LTBP2: variants seen among roughly 807,000 people sequenced by gnomAD.
LTBP2 encodes latent-transforming growth factor beta-binding protein 2.
A neutral mutation model predicts 210.6 loss-of-function variants in LTBP2; 103 were observed. The ratio of observed to expected loss-of-function variants is 0.49; its 90% confidence interval spans 0.42 to 0.58. The LOEUF is 0.58. Ranked by LOEUF, LTBP2 falls within the 20% of genes least tolerant of loss-of-function variation. The pLI, the probability that LTBP2 is intolerant of heterozygous loss-of-function variation, is 0.00. For synonymous variants in LTBP2, 1,007 were observed against 1,015.0 expected (o/e 0.99, Z 0.15); for missense variants, 2,313 against 2,494.5 (o/e 0.93, Z 1.55).
intron 2 of LTBP2, among the ~76,000 whole-genome samples, chr14:74,591,821 C>T (rs943307935): frequency 6.6e-6 from 1 of 152,194 alleles, no homozygotes; most frequent in Admixed American, 6.5e-5. Flanking sequence ...GGAAAAGAAA[C>T]ACTTTCCTGG....
intron 3 of LTBP2, among the ~76,000 whole-genome samples, chr14:74,562,869 A>C (rs1374793032): frequency 6.6e-6 from 1 of 152,190 alleles, no homozygotes; most frequent in Non-Finnish European, 1.5e-5. Context: ...GTCTATCCAC[A>C]TCCCAATGCA....
chr14:74,588,994 A>T (rs1267568778), intron 2 of LTBP2, among the ~76,000 whole-genome samples: 2 of 152,196 alleles, frequency 1.3e-5, no homozygotes, highest in Non-Finnish European at 2.9e-5. Context: ...ATAAGGAAAT[A>T]AAGGGGATCT....
At chr14:74,560,854 A>C (rs1441208474) in intron 3 of LTBP2, among the ~76,000 whole-genome samples, 1 of 152,238 alleles carries the variant, frequency 6.6e-6, no homozygotes, top group African/African-American at 2.4e-5. Flanking sequence ...GAAGATTTAA[A>C]GTATATGGGA....
At chr14:74,502,523 G>T in intron 34 of LTBP2, 130 bp downstream of exon 34, 2 of 1,284,258 alleles carry the variant, frequency 1.6e-6, no homozygotes, top group Non-Finnish European at 2.2e-6. Context: ...CGTGAACGGG[G>T]ACCTCTGGCT....
At chr14:74,540,770 A>ATATATATATATATTATATATATATT (rs2139732684) in intron 8 of LTBP2, among the ~76,000 whole-genome samples, 1 of 81,908 alleles carries the variant, frequency 1.2e-5, no homozygotes, top group South Asian at 3.5e-4. Context: ...ATCTTAAAAA[A>ATATATATATATATTATATATATATT]TATATATATA....
intron 8 of LTBP2, among the ~76,000 whole-genome samples, chr14:74,537,160 GA>G (rs111689700): frequency 0.016 from 1,943 of 123,508 alleles, 31 homozygotes; most frequent in African/African-American, 0.044. Flanking sequence ...ACTTTACAAA[GA>G]AAAAAAAAAA....
intron 24 of LTBP2, 75 bp from the exon 25 acceptor site, chr14:74,508,170 G>T: frequency 6.4e-7 from 1 of 1,571,864 alleles, no homozygotes; most frequent in Non-Finnish European, 8.7e-7. Flanking sequence ...GCTTCCTCTG[G>T]GCCCTGAGTA....
intron 8 of LTBP2, among the ~76,000 whole-genome samples, chr14:74,540,623 G>T (rs1384178218): frequency 6.7e-6 from 1 of 149,350 alleles, no homozygotes; most frequent in African/African-American, 2.5e-5. Flanking sequence ...AAATTAGCGG[G>T]ATGTGGTGGC....
chr14:74,590,318 C>T (rs1161747058), intron 2 of LTBP2, among the ~76,000 whole-genome samples: 1 of 152,176 alleles, frequency 6.6e-6, no homozygotes. Flanking sequence ...GTCATTCTAT[C>T]AAAAAGACAC....
Position 74,603,666 on chromosome 14 carries a change from T to C in LTBP2, c.534A>G (p.Thr178=). ...VCGGQCCPGW[T]TANSTNHCIK... ...TACAGTGGTTGGTGCTGTTTGCTGTTGTCCATCCTGGGCAGCACTGTCCCC... is the reference window on the plus strand; with the variant it reads ...TACAGTGGTTGGTGCTGTTTGCTGTCGTCCATCCTGGGCAGCACTGTCCCC... Residue 178 remains threonine (T), a synonymous_variant, in exon 2 of 36, where the codon ACA becomes ACG. Coordinates refer to ENST00000261978, the MANE Select transcript of LTBP2 (RefSeq NM_000428.3). The C allele has an allele frequency of 6.2e-7, 1 of 1,614,174 alleles. No homozygotes were observed. Among genetic ancestry groups the C allele is most frequent in the South Asian group, 1.1e-5 (1 of 91,078 alleles).
chr14:74,532,510 C>A lies in LTBP2; in HGVS notation c.1903G>T (p.Ala635Ser). Residue 635 changes from alanine to serine, a missense_variant, in exon 10 of 36, where the codon GCG (alanine) becomes TCG (serine). Around this residue, in one of 3 missense-constraint regions of LTBP2, gnomAD observed 1,867 missense variants for 1,976.9 expected, o/e 0.94. Transcript: ENST00000261978. ...CTGCCCCTGGTATTCACACACTCCGCGTCCTTGCACAGGCCCAGGGTCAAG... is the reference window on the plus strand; with the variant it reads ...CTGCCCCTGGTATTCACACACTCCGAGTCCTTGCACAGGCCCAGGGTCAAG... ...ECLTLGLCKD[A>S]ECVNTRGSYL... 6.2e-7 allele frequency: 1 copy of A among 1,614,170 alleles called. No homozygotes were observed. Among genetic ancestry groups the A allele is most frequent in the Non-Finnish European group, 8.5e-7 (1 of 1,180,022 alleles).
rs913754432 is a variant in LTBP2 at position 74,594,566 on chromosome 14, G to A, written c.566-8448C>T. Among the ~76,000 whole-genome samples, 58 of 152,156 alleles carry A rather than the reference G, an allele frequency of 3.8e-4. 1 individual carries two copies. Among genetic ancestry groups the A allele is most frequent in the African/African-American group, 1.4e-3 (56 of 41,416 alleles). On this transcript the variant is annotated intron_variant, in intron 2 of 35. Transcript: ENST00000261978. ...TCCCCTTTCACAGCTAGAGGCCTTC[G>A]CAGACGGGACAGTTTGCACCTCATC... is the stretch of plus-strand genomic sequence containing the variant.
intron 9 of LTBP2, among the ~76,000 whole-genome samples, chr14:74,533,482 G>A (rs2087377798): frequency 6.6e-6 from 1 of 152,196 alleles, no homozygotes; most frequent in African/African-American, 2.4e-5. Context: ...ACCTCTGCAG[G>A]CCCCAAGACC....
At chr14:74,504,919 C>T in intron 29 of LTBP2, 58 bp from the exon 30 acceptor site, 1 of 1,613,306 alleles carries the variant, frequency 6.2e-7, no homozygotes, top group East Asian at 2.2e-5. Flanking sequence ...TTCCTCTCTC[C>T]CCTTCTTTCA....
At chr14:74,506,882 C>CGCGCATG in intron 26 of LTBP2, 59 bp from the exon 27 acceptor site, 1 of 927,124 alleles carries the variant, frequency 1.1e-6, no homozygotes, top group South Asian at 2.3e-5. Context: ...TGTGTGTGCG[C>CGCGCATG]GCGCGCGTGT....
chr14:74,549,726 G>C, intron 8 of LTBP2, 137 bp downstream of exon 8: 1 of 781,118 alleles, frequency 1.3e-6, no homozygotes, highest in Non-Finnish European at 2.3e-6. Flanking sequence ...CTTCAAGGCA[G>C]GTCTGGGAAG....
chr14:74,602,173 C>T (rs2088457796), intron 2 of LTBP2, among the ~76,000 whole-genome samples: 3 of 152,216 alleles, frequency 2.0e-5, no homozygotes, highest in Admixed American at 1.3e-4. Flanking sequence ...AGTCAGTCTG[C>T]CTGGGTCCAG....
At chr14:74,608,567 G>A (rs374558527) in intron 1 of LTBP2, among the ~76,000 whole-genome samples, 4 of 151,804 alleles carry the variant, frequency 2.6e-5, no homozygotes, top group Admixed American at 2.0e-4. Flanking sequence ...AAAATTAGCC[G>A]GGTGTGGTGA....
rs748853771 is a variant in LTBP2 at position 74,611,931 on chromosome 14, G to T, written c.14C>A (p.Thr5Asn). 4 of 1,583,288 alleles carry T rather than the reference G, an allele frequency of 2.5e-6. No individual in the cohort carries two copies. The South Asian group carries it at 3.4e-5, about 13-fold the overall frequency. The change falls in exon 1 of 36, where the codon ACC becomes AAC. Residue 5 changes from threonine to asparagine, a missense_variant. Transcript: ENST00000261978. ...GGCGCGCCCCGGGCTGCGGGCTTTG[G>T]TCCGCGGCCTCATGGCGCGGGGCGG... MRPR[T>N]KARSPGRALR...
Sources: gnomAD v4.1 joint callset for allele counts (sites outside exome capture counted in the v4.1 genomes callset) on GRCh38, gnomAD v4.1.1 for gene constraint, gnomAD v4.1.1 regional missense constraint, MANE v1.5 for transcripts, NCBI Gene and HGNC (gene_info 2026-07-23, HGNC 2026-07-21) for gene names.